The following PTPRM variants were observed in gnomAD, a reference collection of about 807,000 sequenced individuals.
The protein encoded by PTPRM is protein tyrosine phosphatase receptor type M.
PTPRM carries 47 observed loss-of-function variants against 186.7 expected under a neutral mutation model. That is an observed-to-expected ratio of 0.25 (90% CI 0.20 to 0.32). The LOEUF (loss-of-function observed/expected upper bound fraction) is 0.32, where lower values mean the gene tolerates loss of function less well. Among genes scored for constraint, PTPRM ranks in the 10% least tolerant of loss-of-function variants. The pLI is 1.00. For missense variants in PTPRM, 1,494 were observed against 1,865.0 expected, an observed-to-expected ratio of 0.80 and a Z score of 3.66; for synonymous variants, 668 against 674.9, an observed-to-expected ratio of 0.99 and a Z score of 0.16.
intron 2 of PTPRM, among the ~76,000 whole-genome samples, chr18:7,822,526 A>T (rs1035712232): frequency 7.2e-5 from 11 of 152,236 alleles, no homozygotes; most frequent in African/African-American, 2.7e-4. Flanking sequence ...TAAAATGGGC[A>T]CAGAATATTT....
intron 23 of PTPRM, among the ~76,000 whole-genome samples, chr18:8,349,599 C>G (rs947714580): frequency 4.6e-5 from 7 of 151,544 alleles, no homozygotes; most frequent in Non-Finnish European, 8.8e-5. Flanking sequence ...TACCCCTGGG[C>G]ATTTAACTGC....
chr18:7,770,451 GA>G (rs2042222444), intron 1 of PTPRM, among the ~76,000 whole-genome samples: 2 of 152,194 alleles, frequency 1.3e-5, no homozygotes, highest in Non-Finnish European at 2.9e-5. Context: ...TTTGTTCTAT[GA>G]GGTATATCTG....
intron 1 of PTPRM, among the ~76,000 whole-genome samples, chr18:7,667,001 A>AT (rs1440260965): frequency 6.6e-6 from 1 of 152,138 alleles, no homozygotes; most frequent in African/African-American, 2.4e-5. Context: ...ATTGAAGCAG[A>AT]TTTTCAGTAA....
At chr18:7,839,896 TG>T (rs1218715690) in intron 2 of PTPRM, among the ~76,000 whole-genome samples, 1 of 152,054 alleles carries the variant, frequency 6.6e-6, no homozygotes. Context: ...TTCCTAGGGC[TG>T]GTTTAAATGC....
At chr18:8,001,799 T>G (rs1056131340) in intron 7 of PTPRM, among the ~76,000 whole-genome samples, 1 of 152,186 alleles carries the variant, frequency 6.6e-6, no homozygotes, top group Non-Finnish European at 1.5e-5. Context: ...GGTAGCCATG[T>G]CAGGCGTTTG....
Position 7,585,403 on chromosome 18 carries a change from G to C in PTPRM, c.73+17512G>C, listed in dbSNP as rs575253397. Among the ~76,000 whole-genome samples, 70 of 152,266 alleles carry C rather than the reference G, an allele frequency of 4.6e-4. No homozygotes were observed. In the South Asian group the frequency reaches 0.014, roughly 31 times the overall value. ...GAAATTGCAGAGAGGAACGAAGTTT[G>C]AATAGTTTTTGTTTTTGAACTTGGT... On this transcript the variant is annotated intron_variant, in intron 1 of 32. Transcript: ENST00000580170.
intron 7 of PTPRM, among the ~76,000 whole-genome samples, chr18:8,046,796 TA>T (rs1358793012): frequency 1.3e-5 from 2 of 152,124 alleles, no homozygotes; most frequent in Non-Finnish European, 2.9e-5. Context: ...ATTCATGGCA[TA>T]AATGAGATAT....
chr18:8,392,896 CAAAT>C (rs776810073), intron 31 of PTPRM, among the ~76,000 whole-genome samples: 3 of 152,060 alleles, frequency 2.0e-5, no homozygotes, highest in Non-Finnish European at 4.4e-5. Context: ...CTGAAATAAA[CAAAT>C]CATAAAATAA....
intron 1 of PTPRM, among the ~76,000 whole-genome samples, chr18:7,708,708 T>C (rs1361305574): frequency 1.3e-5 from 2 of 152,160 alleles, no homozygotes; most frequent in Non-Finnish European, 2.9e-5. Context: ...ATTATACTGG[T>C]AGAGGCTAGA....
chr18:8,176,911 A>G (rs1389985369), intron 14 of PTPRM, among the ~76,000 whole-genome samples: 2 of 152,138 alleles, frequency 1.3e-5, no homozygotes, highest in Admixed American at 1.3e-4. Context: ...GTTTAGTTCT[A>G]ATTATTTGTG....
At position 7,774,195 on chromosome 18, in the gene PTPRM, A is replaced by G. The variant is rs1385658937; in HGVS notation, c.120A>G (p.Gln40=). ...CGTATAGCACATGTGGATATAGTCA[A>G]TCTGAAGGTGATGACTTCAATTGGG... The part of the protein sequence containing the change: ...DEPYSTCGYS[Q]SEGDDFNWEQ... Residue 40 remains glutamine (Q), a synonymous_variant, in exon 2 of 33, where the codon CAA becomes CAG. Coordinates refer to ENST00000580170, the MANE Select transcript of PTPRM (RefSeq NM_001105244.2). The G allele has an allele frequency of 5.6e-6, 9 of 1,612,750 alleles. No individual in the cohort carries two copies. Among genetic ancestry groups the G allele is most frequent in the East Asian group, 2.2e-5 (1 of 44,878 alleles).
At chr18:7,950,935 G>A (rs972619331) in intron 6 of PTPRM, among the ~76,000 whole-genome samples, 4 of 152,166 alleles carry the variant, frequency 2.6e-5, no homozygotes, top group African/African-American at 9.7e-5. Context: ...GATCACCACT[G>A]CCAGTGTTAG....
At chr18:7,814,066 A>G (rs912176395) in intron 2 of PTPRM, 14 of 152,204 alleles carry the variant, frequency 9.2e-5, no homozygotes, top group African/African-American at 3.4e-4. Flanking sequence ...TTTTCTTCAA[A>G]TATTTAACAC....
rs146553446 is a variant in PTPRM, at chr18:7,660,124, G to T, written c.73+92233G>T. On this transcript the variant is annotated intron_variant, in intron 1 of 32. Coordinates refer to ENST00000580170, the MANE Select transcript of PTPRM (RefSeq NM_001105244.2). ...GGGAGGCTGAGATAGATCACTTGAG[G>T]TCAGTAGTTCAAGACCAGCCTGGCC... Among the ~76,000 whole-genome samples the T allele has an allele frequency of 1.2e-4, 18 of 152,176 alleles. No homozygotes were observed. The East Asian group carries it at 3.3e-3, about 28-fold the overall frequency.
At chr18:7,812,718 A>G (rs898318612) in intron 2 of PTPRM, among the ~76,000 whole-genome samples, 1 of 151,738 alleles carries the variant, frequency 6.6e-6, no homozygotes, top group Non-Finnish European at 1.5e-5. Flanking sequence ...TGAGACTTGG[A>G]AAGTTTTTTT....
At chr18:7,577,362 C>G (rs2036714795) in intron 1 of PTPRM, among the ~76,000 whole-genome samples, 1 of 152,070 alleles carries the variant, frequency 6.6e-6, no homozygotes, top group Admixed American at 6.6e-5. Flanking sequence ...ATTTACTATG[C>G]AGTAGATTTA....
At chr18:7,985,441 ATAAATATATACATATACTGGTAGATACG>A (rs1358846172) in intron 7 of PTPRM, among the ~76,000 whole-genome samples, 7 of 132,724 alleles carry the variant, frequency 5.3e-5, no homozygotes, top group Non-Finnish European at 7.7e-5. Context: ...AGATACGTAT[ATAAATATATACATATACTGGTAGATACG>A]TAAATATATA....
At chr18:7,871,099 G>A (rs778284689) in intron 2 of PTPRM, among the ~76,000 whole-genome samples, 30 of 152,218 alleles carry the variant, frequency 2.0e-4, no homozygotes, top group Non-Finnish European at 3.7e-4. Flanking sequence ...GAGCCCAGTT[G>A]CTTTCCTAGA....
At chr18:8,041,026 G>T (rs2086658709) in intron 7 of PTPRM, among the ~76,000 whole-genome samples, 1 of 152,166 alleles carries the variant, frequency 6.6e-6, no homozygotes, top group South Asian at 2.1e-4. Context: ...ATTGTTGGTG[G>T]TAATGACTTG....
Sources: gnomAD v4.1 joint callset for allele counts (sites outside exome capture counted in the v4.1 genomes callset) on GRCh38, gnomAD v4.1.1 for gene constraint, MANE v1.5 for transcripts, NCBI Gene and HGNC (gene_info 2026-07-23, HGNC 2026-07-21) for gene names.